Variants in GREB1L observed in about 807,000 individuals in gnomAD.
The protein encoded by GREB1L is GREB1-like protein.
In GREB1L, 17 loss-of-function variants were observed where a neutral mutation model predicts 200.8. The observed-to-expected ratio is 0.08, with a 90% CI of 0.06 to 0.13. The LOEUF is 0.13. GREB1L is among the 10% of genes least tolerant of loss of function. GREB1L has a pLI of 1.00. For synonymous variants in GREB1L, 789 were observed against 893.0 expected, an observed-to-expected ratio of 0.88 and a Z score of 2.08; for missense variants, 1,657 against 2,367.7, an observed-to-expected ratio of 0.70 and a Z score of 6.23.
chr18:21,311,039 A>G (rs1420997062), intron 1 of GREB1L, among the ~76,000 whole-genome samples: 1 of 152,198 alleles, frequency 6.6e-6, no homozygotes, highest in Non-Finnish European at 1.5e-5. Flanking sequence ...TTGTAGAAGT[A>G]ATGTTTACAA....
chr18:21,277,059 G>C (rs927970065), intron 1 of GREB1L, among the ~76,000 whole-genome samples: 9 of 151,510 alleles, frequency 5.9e-5, no homozygotes, highest in Non-Finnish European at 1.3e-4. Context: ...CTCCCAAGTA[G>C]CTGGGACTGC....
intron 1 of GREB1L, among the ~76,000 whole-genome samples, chr18:21,356,597 A>G (rs2039507563): frequency 1.3e-5 from 2 of 152,178 alleles, no homozygotes; most frequent in African/African-American, 4.8e-5. Flanking sequence ...AGTTGATTTC[A>G]TAACTTCGCT....
intron 2 of GREB1L, among the ~76,000 whole-genome samples, chr18:21,377,972 C>A (rs2040145065): frequency 6.6e-6 from 1 of 152,164 alleles, no homozygotes; most frequent in Non-Finnish European, 1.5e-5. Context: ...CTCAAGCAAT[C>A]CTACCTCAGC....
chr18:21,358,464 T>C (rs1598691497), intron 1 of GREB1L, among the ~76,000 whole-genome samples: 3 of 152,232 alleles, frequency 2.0e-5, no homozygotes, highest in Middle Eastern at 3.4e-3. Flanking sequence ...TACAGGCGCC[T>C]GCCACCACAC....
chr18:21,249,471 AAGCTT>A (rs2037663785), intron 1 of GREB1L, among the ~76,000 whole-genome samples: 1 of 152,208 alleles, frequency 6.6e-6, no homozygotes, highest in Admixed American at 6.5e-5. Context: ...TGAATTGCTC[AAGCTT>A]CAGTTGTTTT....
chr18:21,498,087 G>A lies in GREB1L; in HGVS notation c.3391+1389G>A, dbSNP rs565409639. 5.3e-5 allele frequency among the ~76,000 whole-genome samples: 8 copies of A among 152,224 alleles called. No homozygotes were observed. In the South Asian group the frequency reaches 1.7e-3, roughly 32 times the overall value. On this transcript the variant is annotated intron_variant, in intron 21 of 32. Transcript: ENST00000424526. Reference sequence around the variant, plus strand: ...TCCACCCGCCTCAGCCTCCCAAAGTGCTGGGATTACAGACGTGAGCCACCG... The same window carrying A: ...TCCACCCGCCTCAGCCTCCCAAAGTACTGGGATTACAGACGTGAGCCACCG...
chr18:21,299,420 TTATAAA>T (rs1411496409), intron 1 of GREB1L, among the ~76,000 whole-genome samples: 2 of 152,116 alleles, frequency 1.3e-5, no homozygotes, highest in Non-Finnish European at 2.9e-5. Context: ...TTTTTAAAAA[TTATAAA>T]TATATAGACT....
chr18:21,409,045 A>G (rs563339333), intron 7 of GREB1L, among the ~76,000 whole-genome samples: 28 of 152,310 alleles, frequency 1.8e-4, no homozygotes, highest in African/African-American at 6.5e-4. Flanking sequence ...AGAAATGAAA[A>G]TATATGTTCT....
At chr18:21,306,555 G>A (rs2038703582) in intron 1 of GREB1L, among the ~76,000 whole-genome samples, 1 of 152,220 alleles carries the variant, frequency 6.6e-6, no homozygotes, top group Admixed American at 6.5e-5. Context: ...TTGCAGATAA[G>A]AGTCTGAAAT....
At chr18:21,387,711 T>A (rs939017725) in intron 4 of GREB1L, 1 of 152,236 alleles carries the variant, frequency 6.6e-6, no homozygotes, top group Admixed American at 6.5e-5. Context: ...TGAGATTTAA[T>A]ATTTGATGTT....
rs531869151 is a variant in GREB1L at position 21,494,546 on chromosome 18, T to C, written c.3031-1124T>C. On this transcript the variant is annotated intron_variant, in intron 19 of 32. Transcript: ENST00000424526. ...CTATTTTAAAACAAAATTGTATGCA[T>C]TACTGGCCAGGTATGGTAGCTCACA... 7.9e-5 allele frequency among the ~76,000 whole-genome samples: 12 copies of C among 152,202 alleles called. No individual in the cohort carries two copies. In the East Asian group the frequency reaches 2.1e-3, roughly 27 times the overall value.
chr18:21,322,398 C>T (rs1275484927), intron 1 of GREB1L, among the ~76,000 whole-genome samples: 1 of 151,978 alleles, frequency 6.6e-6, no homozygotes, highest in Non-Finnish European at 1.5e-5. Context: ...GTTGAGGAGC[C>T]TTGATCTAGG....
In GREB1L at chr18:21,520,673, GC is replaced by G; in HGVS notation, c.5473-14del. On this transcript the variant is annotated splice_polypyrimidine_tract_variant and intron_variant, in intron 31 of 32. Coordinates refer to ENST00000424526, the MANE Select transcript of GREB1L (RefSeq NM_001142966.3). ...CTCTTGAAATGCCCATGCTATTTTT[GC>G]TTGATGATTTCAGGTGGCCATATGC... The G allele has an allele frequency of 6.4e-7, 1 of 1,551,220 alleles. No homozygotes were observed. The highest frequency in any genetic ancestry group is 2.4e-5 in the East Asian group (1 of 40,892).
At chr18:21,291,313 A>G (rs1220250180) in intron 1 of GREB1L, among the ~76,000 whole-genome samples, 3 of 152,146 alleles carry the variant, frequency 2.0e-5, no homozygotes, top group Non-Finnish European at 4.4e-5. Context: ...GCCTGATGAC[A>G]GCCTGGCTCA....
In GREB1L at chr18:21,395,418, T is replaced by C; in HGVS notation, c.389T>C (p.Val130Ala). ...FCQAGKDLRLVSLCMEQIDIP... is the reference protein window; with the variant it reads ...FCQAGKDLRLASLCMEQIDIP... ...CAAGCAGGAAAGGATTTGCGTTTGG[T>C]ATCACTGTGTATGGAACAAATTGAC... is the stretch of plus-strand genomic sequence containing the variant. Residue 130 changes from valine to alanine, a missense_variant, in exon 5 of 33, where the codon GTA (valine) becomes GCA (alanine). Physicochemically the swap from Val to Ala is moderately conservative, Grantham distance 64. Transcript: ENST00000424526. 6.4e-7 allele frequency: 1 copy of C among 1,550,654 alleles called. No individual in the cohort carries two copies. Among genetic ancestry groups the C allele is most frequent in the Non-Finnish European group, 8.7e-7 (1 of 1,146,732 alleles).
intron 19 of GREB1L, 68 bp from the exon 20 acceptor site, chr18:21,495,602 G>C (rs2036514730): frequency 1.2e-6 from 1 of 826,664 alleles, no homozygotes; most frequent in Non-Finnish European, 2.0e-6. Context: ...TCTGGACTCA[G>C]AAGCCTGTAA....
Position 21,515,399 on chromosome 18 carries a change from A to G in GREB1L, c.4902-18A>G. 1 of 1,487,054 alleles carries G rather than the reference A, an allele frequency of 6.7e-7. No homozygotes were observed. The highest frequency in any genetic ancestry group is 2.5e-5 in the East Asian group (1 of 40,640). The allele number at this position is 1,487,054 out of a possible 1,614,324, so 92.1% of individuals were successfully genotyped here. ...TCTGTAATATTTATCAACATCTTAT[A>G]TAAACTATATTTCATAGCCAGCCCA... On this transcript the variant is annotated intron_variant, in intron 28 of 32. Transcript: ENST00000424526.
chr18:21,500,503 G>T (rs918671137), intron 22 of GREB1L, 37 bp from the exon 23 acceptor site: 4 of 1,405,084 alleles, frequency 2.8e-6, no homozygotes, highest in Non-Finnish European at 3.9e-6. Context: ...TCTCTTTCCC[G>T]CCTCCACTCC....
chr18:21,344,920 G>A (rs1216774075), intron 1 of GREB1L, among the ~76,000 whole-genome samples: 1 of 152,156 alleles, frequency 6.6e-6, no homozygotes, highest in Non-Finnish European at 1.5e-5. Flanking sequence ...ATCCCTAAAT[G>A]TGACCTAATT....
Sources: allele counts gnomAD v4.1 joint callset (sites outside exome capture counted in the v4.1 genomes callset), GRCh38; gene constraint gnomAD v4.1.1; transcripts MANE v1.5; gene names NCBI Gene and HGNC (gene_info 2026-07-23, HGNC 2026-07-21).